PLCB1: variants seen among roughly 807,000 people sequenced by gnomAD.
PLCB1 encodes the protein phospholipase C beta 1.
Under a neutral mutation model 161.8 loss-of-function variants are expected in PLCB1, and 46 were observed. That is an observed-to-expected ratio of 0.28 (90% CI 0.22 to 0.36). PLCB1 has a LOEUF of 0.36. Ranked by LOEUF, PLCB1 falls within the 10% of genes least tolerant of loss-of-function variation. The pLI, the probability that PLCB1 is intolerant of heterozygous loss-of-function variation, is 1.00. For synonymous variants in PLCB1, 517 were observed against 503.7 expected (o/e 1.03, Z -0.35); for missense variants, 1,016 against 1,472.5 (o/e 0.69, Z 5.07).
chr20:8,618,703 A>G (rs1378843449), intron 3 of PLCB1, among the ~76,000 whole-genome samples: 1 of 152,138 alleles, frequency 6.6e-6, no homozygotes, highest in Non-Finnish European at 1.5e-5. Flanking sequence ...ATTTTAGAAG[A>G]CATTTTCTTA....
At chr20:8,141,515 C>A (rs6039047) in intron 1 of PLCB1, among the ~76,000 whole-genome samples, 35,314 of 150,906 alleles carry the variant, frequency 0.23, 4,366 homozygotes, top group East Asian at 0.35. Context: ...CCCGACCACT[C>A]GAGAGGCTGA....
At chr20:8,145,491 T>C (rs892190535) in intron 1 of PLCB1, among the ~76,000 whole-genome samples, 1 of 152,168 alleles carries the variant, frequency 6.6e-6, no homozygotes, top group African/African-American at 2.4e-5. Flanking sequence ...GCTCAGAGGG[T>C]AGCAACATGA....
chr20:8,644,689 G>C (rs1011106759), intron 4 of PLCB1, among the ~76,000 whole-genome samples: 7 of 151,076 alleles, frequency 4.6e-5, no homozygotes, highest in African/African-American at 1.5e-4. Flanking sequence ...CAGCCGCCCC[G>C]TCCGGGAGGG....
chr20:8,540,465 G>T (rs1985266379), intron 3 of PLCB1, among the ~76,000 whole-genome samples: 1 of 152,086 alleles, frequency 6.6e-6, no homozygotes, highest in Non-Finnish European at 1.5e-5. Context: ...AGACAGAAAA[G>T]AAAATACCTT....
chr20:8,318,016 T>A (rs1196690304), intron 2 of PLCB1, among the ~76,000 whole-genome samples: 1 of 151,602 alleles, frequency 6.6e-6, no homozygotes, highest in Non-Finnish European at 1.5e-5. Flanking sequence ...TGGAAATTTA[T>A]CTAACATCTC....
At chr20:8,236,239 A>G (rs955744818) in intron 2 of PLCB1, among the ~76,000 whole-genome samples, 4 of 152,152 alleles carry the variant, frequency 2.6e-5, no homozygotes, top group African/African-American at 9.6e-5. Context: ...ACTAATTACT[A>G]TAAAAAATAA....
chr20:8,856,578 C>T (rs1216721610), intron 31 of PLCB1, among the ~76,000 whole-genome samples: 1 of 152,152 alleles, frequency 6.6e-6, no homozygotes, highest in Non-Finnish European at 1.5e-5. Context: ...GATCACACCA[C>T]TGCACTCCAG....
At chr20:8,835,280 G>A (rs1179934087) in intron 31 of PLCB1, among the ~76,000 whole-genome samples, 1 of 152,150 alleles carries the variant, frequency 6.6e-6, no homozygotes, top group Admixed American at 6.5e-5. Flanking sequence ...AGATGAATTC[G>A]GAGTGCCCTT....
intron 3 of PLCB1, among the ~76,000 whole-genome samples, chr20:8,517,319 A>G (rs1411957171): frequency 6.6e-6 from 1 of 152,172 alleles, no homozygotes; most frequent in African/African-American, 2.4e-5. Flanking sequence ...GGCGTCGTCT[A>G]CATTTGAAAT....
intron 27 of PLCB1, among the ~76,000 whole-genome samples, chr20:8,776,441 G>A (rs1982947993): frequency 6.6e-6 from 1 of 152,114 alleles, no homozygotes; most frequent in Admixed American, 6.6e-5. Flanking sequence ...TTGCTCTGGT[G>A]TCCTGCTCAC....
At chr20:8,519,966 C>T (rs529965316) in intron 3 of PLCB1, among the ~76,000 whole-genome samples, 45 of 152,232 alleles carry the variant, frequency 3.0e-4, no homozygotes, top group South Asian at 6.2e-4. Flanking sequence ...ACTCAGGCTA[C>T]TTAATGTAGT....
intron 3 of PLCB1, among the ~76,000 whole-genome samples, chr20:8,532,735 C>A (rs1394709383): frequency 2.0e-5 from 3 of 151,136 alleles, no homozygotes; most frequent in African/African-American, 7.3e-5. Flanking sequence ...AAGAAATGGG[C>A]CAGTGAGAGG....
chr20:8,485,980 G>T (rs1199253360), intron 3 of PLCB1, among the ~76,000 whole-genome samples: 2 of 150,758 alleles, frequency 1.3e-5, no homozygotes, highest in Admixed American at 1.3e-4. Flanking sequence ...GAGGCCTCAG[G>T]AAACTTACAA....
At chr20:8,748,396 G>C (rs1469796223) in intron 23 of PLCB1, among the ~76,000 whole-genome samples, 1 of 152,162 alleles carries the variant, frequency 6.6e-6, no homozygotes, top group Non-Finnish European at 1.5e-5. Flanking sequence ...TTTTAAATAT[G>C]TATCAAGAAA....
At chr20:8,660,522 C>T (rs960808209) in intron 9 of PLCB1, among the ~76,000 whole-genome samples, 19 of 152,226 alleles carry the variant, frequency 1.2e-4, no homozygotes, top group African/African-American at 4.3e-4. Context: ...CACCACACTG[C>T]TGATGGCACA....
intron 3 of PLCB1, among the ~76,000 whole-genome samples, chr20:8,586,462 G>A (rs1986996130): frequency 6.6e-6 from 1 of 151,922 alleles, no homozygotes; most frequent in South Asian, 2.1e-4. Flanking sequence ...AAACTGTTTA[G>A]TGATGGTAGC....
At chr20:8,218,715 G>C (rs1979259789) in intron 2 of PLCB1, among the ~76,000 whole-genome samples, 1 of 151,824 alleles carries the variant, frequency 6.6e-6, no homozygotes, top group Non-Finnish European at 1.5e-5. Flanking sequence ...TCTCAAGGAA[G>C]GGGCAATGCT....
intron 31 of PLCB1, among the ~76,000 whole-genome samples, chr20:8,823,145 C>T (rs553724105): frequency 6.6e-6 from 1 of 152,224 alleles, no homozygotes; most frequent in East Asian, 1.9e-4. Context: ...TTTTTTGAGA[C>T]AGAGTCTTGC....
chr20:8,837,866 G>A (rs1334522052), intron 31 of PLCB1, among the ~76,000 whole-genome samples: 1 of 152,102 alleles, frequency 6.6e-6, no homozygotes, highest in Non-Finnish European at 1.5e-5. Flanking sequence ...GGGTGGCAGG[G>A]GCCAAGTGGC....
Sources: gnomAD v4.1 joint callset for allele counts (sites outside exome capture counted in the v4.1 genomes callset) on GRCh38, gnomAD v4.1.1 for gene constraint, MANE v1.5 for transcripts, NCBI Gene and HGNC (gene_info 2026-07-23, HGNC 2026-07-21) for gene names.